EXOC6B: variants seen among roughly 807,000 people sequenced by gnomAD.
The protein encoded by EXOC6B is exocyst complex component 6B, also known as SEC15 homolog B.
EXOC6B carries 54 observed loss-of-function variants against 113.5 expected under a neutral mutation model. The ratio of observed to expected loss-of-function variants is 0.48; its 90% CI spans 0.38 to 0.60. The LOEUF (loss-of-function observed/expected upper bound fraction) is 0.60, where lower values mean the gene tolerates loss of function less well. Among genes scored for constraint, EXOC6B ranks in the 20% least tolerant of loss-of-function variants. The probability of loss-of-function intolerance (pLI) is 0.00; values close to 1 mark genes in which losing one functional copy is unlikely to be tolerated. For missense variants in EXOC6B, 797 were observed against 977.5 expected, an observed-to-expected ratio of 0.82 and a Z score of 2.46; for synonymous variants, 357 against 339.0, an observed-to-expected ratio of 1.05 and a Z score of -0.58.
chr2:72,399,854 T>C (rs1035553675), intron 18 of EXOC6B, among the ~76,000 whole-genome samples: 9 of 152,290 alleles, frequency 5.9e-5, no homozygotes, highest in African/African-American at 1.9e-4. Context: ...ATAACCATAC[T>C]GCCCAAAGCA....
intron 17 of EXOC6B, among the ~76,000 whole-genome samples, chr2:72,474,718 T>C (rs931124642): frequency 6.6e-6 from 1 of 152,150 alleles, no homozygotes; most frequent in African/African-American, 2.4e-5. Context: ...ACTGAGCGTC[T>C]TTAGAATCAA....
At chr2:72,705,808 T>C (rs974123900) in intron 6 of EXOC6B, among the ~76,000 whole-genome samples, 1 of 152,206 alleles carries the variant, frequency 6.6e-6, no homozygotes, top group Non-Finnish European at 1.5e-5. Flanking sequence ...TTAACTTTTC[T>C]ATGTTTTGGG....
At chr2:72,773,989 T>G (rs1315222887) in intron 1 of EXOC6B, among the ~76,000 whole-genome samples, 2 of 152,206 alleles carry the variant, frequency 1.3e-5, no homozygotes, top group African/African-American at 2.4e-5. Context: ...ATCAGTAAAT[T>G]TTTTGTACCT....
intron 20 of EXOC6B, among the ~76,000 whole-genome samples, chr2:72,288,093 A>G (rs753937661): frequency 2.0e-5 from 3 of 152,222 alleles, no homozygotes; most frequent in Non-Finnish European, 2.9e-5. Flanking sequence ...GCTCAACATC[A>G]TTAGTATTAG....
At chr2:72,254,441 C>A (rs2104558605) in intron 20 of EXOC6B, among the ~76,000 whole-genome samples, 1 of 152,284 alleles carries the variant, frequency 6.6e-6, no homozygotes, top group Admixed American at 6.5e-5. Flanking sequence ...AACGGCTCTG[C>A]CAATGCCTTG....
At chr2:72,496,254 G>C (rs1056957110) in intron 14 of EXOC6B, among the ~76,000 whole-genome samples, 200 bp downstream of exon 14, 3 of 151,916 alleles carry the variant, frequency 2.0e-5, no homozygotes, top group Non-Finnish European at 4.4e-5. Context: ...AGGAAATTCT[G>C]GTCTTCCCCA....
chr2:72,436,115 T>C (rs62149293), intron 18 of EXOC6B, among the ~76,000 whole-genome samples: 3,894 of 152,320 alleles, frequency 0.026, 69 homozygotes, highest in Non-Finnish European at 0.04. Flanking sequence ...TCCCTCAGCA[T>C]TTGCTTATCT....
intron 1 of EXOC6B, 37 bp from the exon 2 acceptor site, chr2:72,741,506 T>C (rs761421319): frequency 1.3e-6 from 2 of 1,568,306 alleles, no homozygotes; most frequent in Admixed American, 4.0e-5. Context: ...ATACCATGGT[T>C]ACTTCTAAGA....
intron 1 of EXOC6B, among the ~76,000 whole-genome samples, chr2:72,765,805 G>A (rs192171518): frequency 6.6e-6 from 1 of 152,278 alleles, no homozygotes; most frequent in Non-Finnish European, 1.5e-5. Context: ...CCCCCTCAAG[G>A]TAAGTACCAA....
At chr2:72,251,150 T>C (rs1682996393) in intron 20 of EXOC6B, among the ~76,000 whole-genome samples, 1 of 121,960 alleles carries the variant, frequency 8.2e-6, no homozygotes, top group African/African-American at 2.7e-5. Flanking sequence ...CCTTTTGCTG[T>C]CTACTTTATT....
intron 20 of EXOC6B, among the ~76,000 whole-genome samples, chr2:72,262,477 T>C (rs181750328): frequency 3.8e-4 from 58 of 152,194 alleles, no homozygotes; most frequent in African/African-American, 1.3e-3. Flanking sequence ...TCTACAGCCA[T>C]ACCACCCTGA....
chr2:72,471,319 T>A (rs1185598239), intron 17 of EXOC6B, among the ~76,000 whole-genome samples: 5 of 152,178 alleles, frequency 3.3e-5, no homozygotes, highest in African/African-American at 1.2e-4. Flanking sequence ...GGGTTGTTTT[T>A]TTCTTGTAAA....
intron 5 of EXOC6B, among the ~76,000 whole-genome samples, chr2:72,728,185 C>A (rs1239125064): frequency 1.3e-5 from 2 of 152,044 alleles, no homozygotes; most frequent in East Asian, 3.9e-4. Flanking sequence ...ACAATGTAAA[C>A]CCTTTCTTTG....
At chr2:72,596,365 A>C (rs1433824878) in intron 6 of EXOC6B, among the ~76,000 whole-genome samples, 1 of 152,096 alleles carries the variant, frequency 6.6e-6, no homozygotes, top group African/African-American at 2.4e-5. Context: ...AACTTAAATG[A>C]TACATAATTA....
At chr2:72,632,207 A>G (rs564711006) in intron 6 of EXOC6B, among the ~76,000 whole-genome samples, 2 of 152,304 alleles carry the variant, frequency 1.3e-5, no homozygotes. Flanking sequence ...GTGGATAAAC[A>G]TGTGTTAAAA....
chr2:72,641,574 G>A (rs1673238288), intron 6 of EXOC6B, among the ~76,000 whole-genome samples: 1 of 152,254 alleles, frequency 6.6e-6, no homozygotes. Context: ...CTCAAACTGG[G>A]CAGAGCCCAC....
At chr2:72,332,883 A>C (rs1302768006) in intron 20 of EXOC6B, among the ~76,000 whole-genome samples, 1 of 152,154 alleles carries the variant, frequency 6.6e-6, no homozygotes, top group Non-Finnish European at 1.5e-5. Context: ...GACTAAGATG[A>C]ACTGCAAAGA....
chr2:72,655,269 A>T (rs928354371), intron 6 of EXOC6B, among the ~76,000 whole-genome samples: 1 of 152,210 alleles, frequency 6.6e-6, no homozygotes, highest in African/African-American at 2.4e-5. Context: ...AAATTAAAGC[A>T]TACATACTAT....
intron 17 of EXOC6B, among the ~76,000 whole-genome samples, chr2:72,469,039 AAAATTGGTGT>A (rs1309658071): frequency 6.6e-6 from 1 of 152,120 alleles, no homozygotes; most frequent in Non-Finnish European, 1.5e-5. Context: ...ACCCCTATTT[AAAATTGGTGT>A]GGTACAATTT....
Sources: gnomAD v4.1 joint callset for allele counts (sites outside exome capture counted in the v4.1 genomes callset) on GRCh38, gnomAD v4.1.1 for gene constraint, MANE v1.5 for transcripts, NCBI Gene and HGNC (gene_info 2026-07-23, HGNC 2026-07-21) for gene names.